Variants in LGR4 observed in about 807,000 individuals in gnomAD.
LGR4 encodes leucine rich repeat containing G protein-coupled receptor 4, also known as leucine-rich repeat-containing G protein-coupled receptor 4.
In LGR4, 44 loss-of-function variants were observed where a neutral mutation model predicts 84.8. That is an observed-to-expected ratio of 0.52 (90% CI 0.41 to 0.67). The LOEUF is 0.67. LGR4 is among the 30% of genes least tolerant of loss of function. The pLI, the probability that LGR4 is intolerant of heterozygous loss-of-function variation, is 0.00. For synonymous variants in LGR4, 429 were observed against 434.3 expected (o/e 0.99, Z 0.15); for missense variants, 1,032 against 1,131.4 (o/e 0.91, Z 1.26).
intron 1 of LGR4, among the ~76,000 whole-genome samples, chr11:27,464,902 C>G (rs888335485): frequency 3.3e-5 from 5 of 151,352 alleles, no homozygotes; most frequent in African/African-American, 1.2e-4. Flanking sequence ...AAAAAAAAAA[C>G]CTGCATTCTC....
chr11:27,469,274 T>C (rs1864829976), intron 1 of LGR4, among the ~76,000 whole-genome samples: 1 of 152,196 alleles, frequency 6.6e-6, no homozygotes, highest in African/African-American at 2.4e-5. Flanking sequence ...ACTGTTAGAC[T>C]GAACAAGTTT....
chr11:27,438,893 C>A (rs1864254544), intron 1 of LGR4, among the ~76,000 whole-genome samples: 1 of 152,158 alleles, frequency 6.6e-6, no homozygotes, highest in Admixed American at 6.5e-5. Flanking sequence ...CCTCCAATAA[C>A]CACCTGAGCC....
chr11:27,370,024 A>T (rs1862850759), intron 17 of LGR4, among the ~76,000 whole-genome samples: 1 of 152,228 alleles, frequency 6.6e-6, no homozygotes, highest in Admixed American at 6.5e-5. Context: ...TGTTCCAGTA[A>T]CTGACTTTGA....
At chr11:27,409,459 C>T (rs1266258563) in intron 2 of LGR4, among the ~76,000 whole-genome samples, 1 of 152,106 alleles carries the variant, frequency 6.6e-6, no homozygotes, top group African/African-American at 2.4e-5. Context: ...TATTTACACT[C>T]TTATCTTTAT....
At chr11:27,449,916 A>G (rs1479192855) in intron 1 of LGR4, among the ~76,000 whole-genome samples, 2 of 152,168 alleles carry the variant, frequency 1.3e-5, no homozygotes, top group African/African-American at 4.8e-5. Context: ...CCTTTGACTT[A>G]TTTCTAGGTT....
chr11:27,420,672 T>C lies in LGR4; in HGVS notation c.186-7812A>G, dbSNP rs368378199. ...ATGTACATTCATACACACACACCTATATATGTATATGGTCATAATGTAATT... is the reference window on the plus strand; with the variant it reads ...ATGTACATTCATACACACACACCTACATATGTATATGGTCATAATGTAATT... On this transcript the variant is annotated intron_variant, in intron 1 of 17. Transcript: ENST00000379214. Among the ~76,000 whole-genome samples, 15 of 152,216 alleles carry C rather than the reference T, an allele frequency of 9.9e-5. No individual in the cohort carries two copies. The South Asian group carries it at 2.3e-3, about 23-fold the overall frequency.
At chr11:27,385,203 T>A (rs1863162596) in intron 5 of LGR4, 50 bp downstream of exon 5, 1 of 1,290,304 alleles carries the variant, frequency 7.8e-7, no homozygotes, top group African/African-American at 1.5e-5. Flanking sequence ...AATCTGTTTT[T>A]GTACCCCAAT....
intron 1 of LGR4, among the ~76,000 whole-genome samples, chr11:27,427,776 T>G (rs1461700976): frequency 6.6e-6 from 1 of 152,184 alleles, no homozygotes; most frequent in Non-Finnish European, 1.5e-5. Context: ...GCCAATGAAG[T>G]TACTATTCAG....
At chr11:27,425,887 A>G (rs1410882394) in intron 1 of LGR4, among the ~76,000 whole-genome samples, 1 of 152,172 alleles carries the variant, frequency 6.6e-6, no homozygotes, top group East Asian at 1.9e-4. Context: ...TATCTCTTTG[A>G]TGGATTCCCT....
chr11:27,458,244 T>C (rs1475906419), intron 1 of LGR4, among the ~76,000 whole-genome samples: 1 of 152,194 alleles, frequency 6.6e-6, no homozygotes, highest in Non-Finnish European at 1.5e-5. Flanking sequence ...CATTGTTTTA[T>C]TACATTTATA....
At chr11:27,382,316 C>T in intron 6 of LGR4, 60 bp from the exon 7 acceptor site, 2 of 1,080,456 alleles carry the variant, frequency 1.9e-6, no homozygotes, top group Non-Finnish European at 2.8e-6. Flanking sequence ...ATTCATAAGG[C>T]ATTTTGTTAC....
At chr11:27,417,719 C>T (rs751602244) in intron 1 of LGR4, among the ~76,000 whole-genome samples, 2 of 152,108 alleles carry the variant, frequency 1.3e-5, no homozygotes, top group Non-Finnish European at 2.9e-5. Flanking sequence ...TAACCACAGC[C>T]ATATTTCATG....
intron 1 of LGR4, among the ~76,000 whole-genome samples, chr11:27,421,123 C>T (rs963889412): frequency 1.3e-5 from 2 of 152,078 alleles, no homozygotes; most frequent in South Asian, 2.1e-4. Flanking sequence ...TACAATGGGA[C>T]GAAGGGAGGG....
chr11:27,402,559 C>T (rs769208961), intron 2 of LGR4, among the ~76,000 whole-genome samples: 1 of 152,032 alleles, frequency 6.6e-6, no homozygotes, highest in Non-Finnish European at 1.5e-5. Context: ...CACTTGCTGC[C>T]AAAAGCACCT....
chr11:27,399,090 A>C (rs1228377663), intron 2 of LGR4, among the ~76,000 whole-genome samples: 2 of 152,022 alleles, frequency 1.3e-5, no homozygotes, highest in African/African-American at 4.8e-5. Context: ...CTGTATTTTC[A>C]GTAGAGACTG....
chr11:27,387,186 C>T (rs972388192), intron 4 of LGR4, among the ~76,000 whole-genome samples: 17 of 152,294 alleles, frequency 1.1e-4, no homozygotes, highest in African/African-American at 3.6e-4. Context: ...GCAATTCACT[C>T]AACGCAGTTA....
intron 1 of LGR4, among the ~76,000 whole-genome samples, chr11:27,459,960 A>T (rs1197787344): frequency 6.6e-6 from 1 of 152,020 alleles, no homozygotes; most frequent in Non-Finnish European, 1.5e-5. Flanking sequence ...GTGTGATGAC[A>T]TGTGCCTGTG....
chr11:27,391,252 CA>C, intron 3 of LGR4, 87 bp from the exon 4 acceptor site: 1 of 376,146 alleles, frequency 2.7e-6, no homozygotes, highest in Admixed American at 5.0e-5. Flanking sequence ...TTTTTTTTTT[CA>C]AAAAATATTT....
intron 1 of LGR4, among the ~76,000 whole-genome samples, chr11:27,449,885 AAT>A (rs1864453711): frequency 6.6e-6 from 1 of 152,188 alleles, no homozygotes. Flanking sequence ...CTTTATTAAC[AAT>A]ATCTCTTCAG....
Sources: allele counts gnomAD v4.1 joint callset (sites outside exome capture counted in the v4.1 genomes callset), GRCh38; gene constraint gnomAD v4.1.1; transcripts MANE v1.5; gene names NCBI Gene and HGNC (gene_info 2026-07-23, HGNC 2026-07-21).